The following GALNT10 variants were observed in gnomAD, a reference collection of about 807,000 sequenced individuals.
The protein encoded by GALNT10 is polypeptide N-acetylgalactosaminyltransferase 10, also known as GalNAc transferase 10.
In GALNT10, 41 loss-of-function variants were observed where a neutral mutation model predicts 75.0. The observed-to-expected ratio is 0.55, with a 90% CI of 0.43 to 0.71. The LOEUF (loss-of-function observed/expected upper bound fraction) is 0.71. GALNT10 is among the 30% of genes least tolerant of loss of function. The probability of loss-of-function intolerance (pLI) is 0.00; values close to 1 mark genes in which losing one functional copy is unlikely to be tolerated. For missense variants in GALNT10, 727 were observed against 818.5 expected (o/e 0.89, Z 1.36); for synonymous variants, 302 against 313.0 (o/e 0.96, Z 0.37).
At chr5:154,395,980 C>G (rs889028) in intron 7 of GALNT10, among the ~76,000 whole-genome samples, 29,807 of 152,072 alleles carry the variant, frequency 0.2, 4,722 homozygotes, top group African/African-American at 0.44. Context: ...AAAATCGCAG[C>G]TGTAATGAAT....
intron 1 of GALNT10, among the ~76,000 whole-genome samples, chr5:154,288,411 TG>T (rs1754144290): frequency 1.7e-4 from 2 of 12,088 alleles, no homozygotes; most frequent in African/African-American, 8.5e-4. Context: ...ATTCCATTTG[TG>T]TGTGTGTGTG....
chr5:154,281,633 C>G (rs1273483152), intron 1 of GALNT10, among the ~76,000 whole-genome samples: 1 of 152,222 alleles, frequency 6.6e-6, no homozygotes, highest in East Asian at 1.9e-4. Context: ...GACCTCTCCA[C>G]ACCCTAACCT....
chr5:154,407,629 C>A (rs2882672), intron 8 of GALNT10, among the ~76,000 whole-genome samples: 50,488 of 151,910 alleles, frequency 0.33, 8,827 homozygotes, highest in Non-Finnish European at 0.4. Flanking sequence ...AGACAGTGAG[C>A]CAAAAGAGCC....
chr5:154,390,981 G>A (rs921461349), intron 7 of GALNT10, among the ~76,000 whole-genome samples: 6 of 152,232 alleles, frequency 3.9e-5, no homozygotes, highest in African/African-American at 1.4e-4. Flanking sequence ...GAGGAAATGA[G>A]ACAGTGTAAT....
At chr5:154,360,746 GT>G (rs1298664122) in intron 4 of GALNT10, among the ~76,000 whole-genome samples, 2 of 152,116 alleles carry the variant, frequency 1.3e-5, no homozygotes, top group African/African-American at 2.4e-5. Context: ...TATTTATAAT[GT>G]TTTATTTCCT....
At chr5:154,273,412 A>G (rs902183138) in intron 1 of GALNT10, among the ~76,000 whole-genome samples, 6 of 152,196 alleles carry the variant, frequency 3.9e-5, no homozygotes, top group African/African-American at 1.2e-4. Flanking sequence ...CAGATGCATA[A>G]TGTATGGTTT....
intron 4 of GALNT10, among the ~76,000 whole-genome samples, chr5:154,361,692 G>A (rs192559826): frequency 1.3e-4 from 20 of 152,328 alleles, no homozygotes; most frequent in Middle Eastern, 3.4e-3. Context: ...ACAGACCATA[G>A]GTATTAAAAG....
chr5:154,281,475 T>A (rs1040613146), intron 1 of GALNT10, among the ~76,000 whole-genome samples: 14 of 152,180 alleles, frequency 9.2e-5, no homozygotes, highest in Non-Finnish European at 1.9e-4. Context: ...TTATAGATAA[T>A]CATGTCATGG....
Position 154,298,243 on chromosome 5 carries a change from A to T in GALNT10, c.401+164A>T, listed in dbSNP as rs80134523. 7.9e-3 allele frequency among the ~76,000 whole-genome samples: 1,209 copies of T among 152,272 alleles called. 66 individuals carry two copies. The East Asian group carries it at 0.16, about 21-fold the overall frequency. ...ATGGTGTTGAGGGGTAGGAGATAAT[A>T]CTGTCTCTCCAGATGAGCCAGCCTC... On this transcript the variant is annotated intron_variant, in intron 3 of 11. Transcript: ENST00000297107. The surrounding 1 kb of genome is among the most constrained non-coding windows in gnomAD (Gnocchi z 4.1).
chr5:154,366,631 C>T (rs1437344284), intron 4 of GALNT10, among the ~76,000 whole-genome samples: 2 of 152,090 alleles, frequency 1.3e-5, no homozygotes, highest in African/African-American at 4.8e-5. Flanking sequence ...ACACCTTTTC[C>T]TGGCAACTCT....
rs1284875848 is a variant in GALNT10 at position 154,417,523 on chromosome 5, G to C, written c.*551G>C. On this transcript the variant is annotated 3_prime_UTR_variant, in exon 12 of 12. Coordinates refer to ENST00000297107, the MANE Select transcript of GALNT10 (RefSeq NM_198321.4). Reference sequence around the variant, plus strand: ...AGTTACTGCACAGCTTCTGTTCTCTGTCACAACCCCAGGTGATTTGGTCCG... The same window carrying C: ...AGTTACTGCACAGCTTCTGTTCTCTCTCACAACCCCAGGTGATTTGGTCCG... 1 of 154,092 alleles carries C rather than the reference G, an allele frequency of 6.5e-6. No homozygotes were observed. The highest frequency in any genetic ancestry group is 1.4e-5 in the Non-Finnish European group (1 of 69,324). 9.5% of individuals were successfully genotyped at this position (154,092 alleles called of 1,614,324 possible).
intron 1 of GALNT10, among the ~76,000 whole-genome samples, chr5:154,228,706 G>A (rs1753101296): frequency 6.6e-6 from 1 of 152,218 alleles, no homozygotes; most frequent in Admixed American, 6.5e-5. Flanking sequence ...GTATGTGGGT[G>A]GTGGTATAGA....
chr5:154,413,214 T>C (rs1756439402), intron 10 of GALNT10, among the ~76,000 whole-genome samples: 1 of 152,208 alleles, frequency 6.6e-6, no homozygotes, highest in East Asian at 1.9e-4. Context: ...ACCATTTTGG[T>C]TACAAATGAT....
intron 7 of GALNT10, among the ~76,000 whole-genome samples, chr5:154,394,797 G>A (rs556204235): frequency 9.8e-5 from 15 of 152,292 alleles, no homozygotes; most frequent in South Asian, 2.1e-4. Context: ...CCTCTGCCTC[G>A]GACAGCTGCA....
intron 1 of GALNT10, among the ~76,000 whole-genome samples, chr5:154,197,715 A>G (rs377301851): frequency 2.6e-4 from 39 of 152,212 alleles, no homozygotes; most frequent in Non-Finnish European, 1.0e-4. Context: ...AATGAGGTTG[A>G]TAATGTTAAT....
intron 1 of GALNT10, among the ~76,000 whole-genome samples, chr5:154,247,934 T>A (rs1753455621): frequency 6.9e-6 from 1 of 143,904 alleles, no homozygotes. Flanking sequence ...TTCAGTATGA[T>A]ATTGGCTGTG....
intron 1 of GALNT10, among the ~76,000 whole-genome samples, chr5:154,241,347 A>C (rs1753334364): frequency 6.6e-6 from 1 of 152,200 alleles, no homozygotes. Flanking sequence ...GGTATAGAGG[A>C]CAACAGCAAC....
chr5:154,226,112 A>G (rs2113659333), intron 1 of GALNT10, among the ~76,000 whole-genome samples: 1 of 152,198 alleles, frequency 6.6e-6, no homozygotes, highest in South Asian at 2.1e-4. Flanking sequence ...GTGCACATGT[A>G]CCATAAAACT....
chr5:154,392,097 G>C (rs554745247), intron 7 of GALNT10: 1 of 152,436 alleles, frequency 6.6e-6, no homozygotes, highest in African/African-American at 2.4e-5. Flanking sequence ...ACCTTACCCA[G>C]CCAGACAAGA....
Sources: allele counts gnomAD v4.1 joint callset (sites outside exome capture counted in the v4.1 genomes callset), GRCh38; gene constraint gnomAD v4.1.1; non-coding constraint Gnocchi (gnomAD v3.1); transcripts MANE v1.5; gene names NCBI Gene and HGNC (gene_info 2026-07-23, HGNC 2026-07-21).